NSMCE2: variants seen among roughly 807,000 people sequenced by gnomAD.
NSMCE2 encodes E3 SUMO-protein ligase NSE2.
A neutral mutation model predicts 23.8 loss-of-function variants in NSMCE2; 24 were observed. That is an observed-to-expected ratio of 1.01 (90% confidence interval 0.73 to 1.42). The LOEUF (loss-of-function observed/expected upper bound fraction) is 1.42, where lower values mean the gene tolerates loss of function less well. NSMCE2 is among the 40% of genes most tolerant of loss of function. The probability of loss-of-function intolerance (pLI) is 0.00; values close to 1 mark genes in which losing one functional copy is unlikely to be tolerated. For missense variants in NSMCE2, 284 were observed against 296.5 expected (o/e 0.96, Z 0.31); for synonymous variants, 92 against 94.1 (o/e 0.98, Z 0.13).
chr8:125,187,701 GC>G (rs1823167585), intron 5 of NSMCE2, among the ~76,000 whole-genome samples: 1 of 152,062 alleles, frequency 6.6e-6, no homozygotes, highest in Admixed American at 6.6e-5. Flanking sequence ...AGTTGTCAAA[GC>G]CCTTATGTTT....
chr8:125,277,757 A>C (rs1257218053), intron 5 of NSMCE2, among the ~76,000 whole-genome samples: 2 of 151,972 alleles, frequency 1.3e-5, no homozygotes, highest in Non-Finnish European at 2.9e-5. Flanking sequence ...CTTGTGATCC[A>C]CCTGCCTCGG....
At chr8:125,306,832 T>G (rs867023356) in intron 5 of NSMCE2, among the ~76,000 whole-genome samples, 1 of 152,314 alleles carries the variant, frequency 6.6e-6, no homozygotes, top group African/African-American at 2.4e-5. Flanking sequence ...GGCAAAATAC[T>G]TAACCTCTCT....
chr8:125,357,607 C>G lies in NSMCE2; in HGVS notation c.520-105C>G, dbSNP rs561809158. ...CTAAAGCCTAGTAATTATGTAAAGC[C>G]ATGAGAATGGGAAGTTAAACATAGA... On this transcript the variant is annotated intron_variant, in intron 6 of 7. Coordinates refer to ENST00000287437, the MANE Select transcript of NSMCE2 (RefSeq NM_173685.4). 92 of 813,702 alleles carry G rather than the reference C, an allele frequency of 1.1e-4. No individual in the cohort carries two copies. In the East Asian group the frequency reaches 2.1e-3, roughly 19 times the overall value. The allele number at this position is 813,702 out of a possible 1,614,324, so 50.4% of individuals were successfully genotyped here.
chr8:125,232,246 G>C (rs6997658), intron 5 of NSMCE2, among the ~76,000 whole-genome samples: 2 of 151,772 alleles, frequency 1.3e-5, no homozygotes, highest in African/African-American at 4.8e-5. Context: ...GCCTGTAATC[G>C]CAGCTACTCG....
At chr8:125,170,500 G>A (rs1481599177) in intron 4 of NSMCE2, among the ~76,000 whole-genome samples, 9 of 145,052 alleles carry the variant, frequency 6.2e-5, no homozygotes, top group African/African-American at 1.0e-4. Context: ...TCCACCTCCC[G>A]GGTTCAGGAG....
chr8:125,095,173 T>A (rs1473451818), intron 1 of NSMCE2, among the ~76,000 whole-genome samples: 5 of 151,280 alleles, frequency 3.3e-5, no homozygotes, highest in Non-Finnish European at 7.4e-5. Context: ...TCAGTACACA[T>A]GTGCCTAGTG....
intron 4 of NSMCE2, among the ~76,000 whole-genome samples, chr8:125,153,244 G>T (rs1430495459): frequency 6.6e-6 from 1 of 152,026 alleles, no homozygotes; most frequent in Admixed American, 6.6e-5. Context: ...TCACTTTTCA[G>T]CCCTAACCTC....
intron 3 of NSMCE2, among the ~76,000 whole-genome samples, chr8:125,114,516 A>G (rs1818904318): frequency 6.6e-6 from 1 of 152,246 alleles, no homozygotes; most frequent in Non-Finnish European, 1.5e-5. Context: ...ATGTATACAT[A>G]CATACGTACA....
intron 5 of NSMCE2, among the ~76,000 whole-genome samples, chr8:125,257,448 A>G (rs1454918175): frequency 1.3e-5 from 2 of 151,764 alleles, no homozygotes; most frequent in African/African-American, 4.8e-5. Flanking sequence ...AAATGTAAAC[A>G]GTCAGTCCAG....
In NSMCE2 at chr8:125,360,129, C is replaced by G. The variant is rs537269721; in HGVS notation, c.626+2311C>G. On this transcript the variant is annotated intron_variant, in intron 7 of 7. Coordinates refer to ENST00000287437, the MANE Select transcript of NSMCE2 (RefSeq NM_173685.4). ...TCTGGGTGTCTAATACTGTCATTTG[C>G]TCATTAGCCTCCAGAGAAGGCATGA... is the stretch of plus-strand genomic sequence containing the variant. Among the ~76,000 whole-genome samples, 4 of 152,240 alleles carry G rather than the reference C, an allele frequency of 2.6e-5. No individual in the cohort carries two copies. The South Asian group carries it at 8.3e-4, about 32-fold the overall frequency.
At chr8:125,361,822 CTG>C (rs1450396258) in intron 7 of NSMCE2, among the ~76,000 whole-genome samples, 2 of 152,200 alleles carry the variant, frequency 1.3e-5, no homozygotes, top group African/African-American at 4.8e-5. Flanking sequence ...GAATTACTGT[CTG>C]TGTTGAGGTA....
intron 5 of NSMCE2, among the ~76,000 whole-genome samples, chr8:125,296,281 AC>A (rs1828321810): frequency 6.6e-6 from 1 of 152,156 alleles, no homozygotes; most frequent in African/African-American, 2.4e-5. Context: ...TTGAATGAAT[AC>A]TATGTTTGTA....
chr8:125,193,113 A>T (rs1823436998), intron 5 of NSMCE2, among the ~76,000 whole-genome samples: 1 of 152,240 alleles, frequency 6.6e-6, no homozygotes, highest in Non-Finnish European at 1.5e-5. Context: ...AGTTTTAATA[A>T]CATCAGGAAA....
chr8:125,333,632 A>G (rs1829965608), intron 5 of NSMCE2, among the ~76,000 whole-genome samples: 1 of 144,386 alleles, frequency 6.9e-6, no homozygotes. Flanking sequence ...CTCCTGCCTC[A>G]GCCTCCCAAG....
At chr8:125,326,898 G>T (rs190574515) in intron 5 of NSMCE2, among the ~76,000 whole-genome samples, 2 of 151,230 alleles carry the variant, frequency 1.3e-5, no homozygotes, top group Non-Finnish European at 2.9e-5. Context: ...AGAGGTTGCA[G>T]TGAGCTGAGA....
chr8:125,328,609 G>C (rs1365906291), intron 5 of NSMCE2, among the ~76,000 whole-genome samples: 4 of 152,098 alleles, frequency 2.6e-5, no homozygotes, highest in Non-Finnish European at 5.9e-5. Context: ...TCAAAAATGT[G>C]GTCTTGAGGA....
intron 4 of NSMCE2, among the ~76,000 whole-genome samples, chr8:125,180,525 C>T (rs901031777): frequency 1.3e-5 from 2 of 152,186 alleles, no homozygotes; most frequent in African/African-American, 4.8e-5. Flanking sequence ...AAAGCATATA[C>T]TTTGCAGATA....
At chr8:125,226,578 A>T (rs1001654020) in intron 5 of NSMCE2, among the ~76,000 whole-genome samples, 1 of 152,018 alleles carries the variant, frequency 6.6e-6, no homozygotes, top group African/African-American at 2.4e-5. Context: ...CTTGTGATCC[A>T]CTCGGATTAG....
At chr8:125,297,667 G>GAA (rs766647323) in intron 5 of NSMCE2, among the ~76,000 whole-genome samples, 3 of 122,626 alleles carry the variant, frequency 2.4e-5, no homozygotes, top group Admixed American at 8.4e-5. Context: ...CTTGTCTCTA[G>GAA]AAAAAAAAAA....
Sources: allele counts gnomAD v4.1 joint callset (sites outside exome capture counted in the v4.1 genomes callset), GRCh38; gene constraint gnomAD v4.1.1; transcripts MANE v1.5; gene names NCBI Gene and HGNC (gene_info 2026-07-23, HGNC 2026-07-21).